NFKBIZ: variants seen among roughly 807,000 people sequenced by gnomAD.
NFKBIZ encodes NFKB inhibitor zeta.
In NFKBIZ, 19 loss-of-function variants were observed where a neutral mutation model predicts 76.8. That is an observed-to-expected ratio of 0.25 (90% CI 0.17 to 0.36). The LOEUF (loss-of-function observed/expected upper bound fraction) is 0.36, where lower values mean the gene tolerates loss of function less well. Ranked by LOEUF, NFKBIZ falls within the 10% of genes least tolerant of loss-of-function variation. NFKBIZ has a pLI of 1.00. For synonymous variants in NFKBIZ, 368 were observed against 354.8 expected (o/e 1.04, Z -0.42); for missense variants, 829 against 910.9 (o/e 0.91, Z 1.16).
intron 11 of NFKBIZ, chr3:101,857,795 T>G (rs1453028857): frequency 8.1e-6 from 8 of 985,342 alleles, no homozygotes; most frequent in Non-Finnish European, 9.6e-6. Context: ...AGAATCTTAG[T>G]CTTGTAATGT....
At chr3:101,856,953 G>A (rs928144493) in intron 9 of NFKBIZ, 120 bp from the exon 10 acceptor site, 2 of 682,460 alleles carry the variant, frequency 2.9e-6, no homozygotes, top group African/African-American at 3.6e-5. Flanking sequence ...GGAGAAGGGA[G>A]CATTCAAAGT....
intron 2 of NFKBIZ, among the ~76,000 whole-genome samples, chr3:101,832,646 T>A (rs1044243164): frequency 4.6e-5 from 7 of 152,248 alleles, no homozygotes; most frequent in Non-Finnish European, 1.0e-4. Context: ...CAGAATTTCC[T>A]TCCTTTTTAA....
At position 101,849,601 on chromosome 3, in the gene NFKBIZ, G is replaced by T. The variant is rs752103174; in HGVS notation, c.-28G>T. On this transcript the variant is annotated 5_prime_UTR_variant, in exon 1 of 12. Coordinates refer to ENST00000326172, the MANE Select transcript of NFKBIZ (RefSeq NM_031419.4). ...GCAGCGAGCCGGTGGCGCAGGTGTCGGGGTCCTCGAGCGCCCAGCCTGGGA... is the reference window on the plus strand; with the variant it reads ...GCAGCGAGCCGGTGGCGCAGGTGTCTGGGTCCTCGAGCGCCCAGCCTGGGA... 3 of 1,316,494 alleles carry T rather than the reference G, an allele frequency of 2.3e-6. No homozygotes were observed. Among genetic ancestry groups the T allele is most frequent in the East Asian group, 3.1e-5 (1 of 32,784 alleles). The allele number at this position is 1,316,494 out of a possible 1,614,324, so 81.6% of individuals were successfully genotyped here.
Position 101,855,866 on chromosome 3 carries a change from G to T in NFKBIZ, c.1788G>T (p.Lys596Asn), listed in dbSNP as rs966953480. 3 of 1,612,992 alleles carry T rather than the reference G, an allele frequency of 1.9e-6. No homozygotes were observed. Among genetic ancestry groups the T allele is most frequent in the Non-Finnish European group, 2.5e-6 (3 of 1,179,626 alleles). Residue 596 changes from lysine (K) to asparagine (N), a missense_variant, in exon 9 of 12, where the codon AAG (lysine) becomes AAT (asparagine). By Grantham distance (94) the Lys-to-Asn change is moderately conservative. Transcript: ENST00000326172. ...LKNKSLVDTI[K>N]CLIQMGAAVE... ...ATAAGAGTCTGGTTGATACCATTAA[G>T]TGCCTAATTCAAATGGGAGCAGCGG...
At chr3:101,851,357 T>G (rs967652277) in intron 1 of NFKBIZ, among the ~76,000 whole-genome samples, 3 of 152,268 alleles carry the variant, frequency 2.0e-5, no homozygotes, top group African/African-American at 7.2e-5. Flanking sequence ...TCCTTTTTAC[T>G]TAGAAGACCT....
chr3:101,845,294 C>CTT (rs759102672), upstream of NFKBIZ, among the ~76,000 whole-genome samples: 15 of 131,190 alleles, frequency 1.1e-4, no homozygotes, highest in South Asian at 2.5e-4. Context: ...AATCCAATTC[C>CTT]TTTTTTTTTT....
chr3:101,852,441 A>G (rs1190964141), intron 2 of NFKBIZ, among the ~76,000 whole-genome samples: 3 of 152,250 alleles, frequency 2.0e-5, no homozygotes, highest in African/African-American at 7.2e-5. Flanking sequence ...AACTCAATGA[A>G]TAAATAAATG....
chr3:101,849,826 C>G lies in NFKBIZ; in HGVS notation c.198C>G (p.Asp66Glu), dbSNP rs1191676992. Residue 66 changes from aspartate to glutamate, a missense_variant, in exon 1 of 12, where the codon GAC becomes GAG. Transcript: ENST00000326172. ...CGGCGCCCGGCTCGCCCGGCTCCGA[C>G]TCCTCCGACTTCTCCTCTGCCTCGT... is the stretch of plus-strand genomic sequence containing the variant. Reference protein sequence around the residue: ...GPSAPGSPGSDSSDFSSASSV... With the variant: ...GPSAPGSPGSESSDFSSASSV... 1 of 1,473,410 alleles carries G rather than the reference C, an allele frequency of 6.8e-7. No individual in the cohort carries two copies. The highest frequency in any genetic ancestry group is 1.3e-5 in the South Asian group (1 of 77,732). The allele number at this position is 1,473,410 out of a possible 1,614,324, so 91.3% of individuals were successfully genotyped here.
chr3:101,852,120 G>A lies in NFKBIZ; in HGVS notation c.325G>A (p.Gly109Ser). ...TATGGGGGTTGGCAGGCAGCAGAGAGGCCCCTTTCAAGGTGTTCGGGTAAA... is the reference window on the plus strand; with the variant it reads ...TATGGGGGTTGGCAGGCAGCAGAGAAGCCCCTTTCAAGGTGTTCGGGTAAA... The part of the protein sequence containing the change: ...PHMGVGRQQR[G>S]PFQGVRVKNS... The change falls in exon 2 of 12, where the codon GGC becomes AGC. Residue 109 changes from glycine (G) to serine (S), a missense_variant. Transcript: ENST00000326172. 6.2e-7 allele frequency: 1 copy of A among 1,614,204 alleles called. No homozygotes were observed. The highest frequency in any genetic ancestry group is 8.5e-7 in the Non-Finnish European group (1 of 1,180,044).
chr3:101,852,281 G>C, intron 2 of NFKBIZ, 57 bp downstream of exon 2: 1 of 1,575,122 alleles, frequency 6.3e-7, no homozygotes, highest in Non-Finnish European at 8.6e-7. Context: ...TAGTCTGTCA[G>C]GGTTATTATG....
At chr3:101,844,822 G>A (rs938318483), upstream of NFKBIZ, among the ~76,000 whole-genome samples, 1 of 152,176 alleles carries the variant, frequency 6.6e-6, no homozygotes, top group Non-Finnish European at 1.5e-5. Flanking sequence ...AACTCTACCA[G>A]GCTTTATTGG....
intron 6 of NFKBIZ, 58 bp from the exon 7 acceptor site, chr3:101,855,004 T>G: frequency 6.6e-7 from 1 of 1,516,956 alleles, no homozygotes; most frequent in South Asian, 1.3e-5. Flanking sequence ...AGTTTCATAT[T>G]CCTTGTTATG....
rs1433177110 is a variant in NFKBIZ at position 101,852,234 on chromosome 3, A to G, written c.429+10A>G. On this transcript the variant is annotated intron_variant, in intron 2 of 11. Transcript: ENST00000326172. ...TGTGGATGATTTTAAGGTGACATCT[A>G]TTTTTCTGTTTTGAGTATAGAGTTG... The G allele has an allele frequency of 3.7e-6, 6 of 1,613,154 alleles. No individual in the cohort carries two copies. Among genetic ancestry groups the G allele is most frequent in the East Asian group, 2.2e-5 (1 of 44,862 alleles).
chr3:101,853,354 C>T lies in NFKBIZ; in HGVS notation c.828C>T (p.Gly276=), dbSNP rs180700719. The stretch of plus-strand genomic sequence containing the variant: ...AATGCCAACCATTCCAAGTCAGGGG[C>T]TCCCAACAAATGATAGACCAGGCTT... ...PQKCQPFQVR[G]SQQMIDQASL... The change falls in exon 5 of 12, where the codon GGC becomes GGT. Residue 276 remains glycine (G), a synonymous_variant. Transcript: ENST00000326172. 3 of 1,614,098 alleles carry T rather than the reference C, an allele frequency of 1.9e-6. No individual in the cohort carries two copies. The East Asian group carries it at 6.7e-5, about 36-fold the overall frequency.
chr3:101,855,352 G>A (rs755650879), intron 7 of NFKBIZ, 43 bp from the exon 8 acceptor site: 9 of 1,608,794 alleles, frequency 5.6e-6, no homozygotes, highest in African/African-American at 2.7e-5. Flanking sequence ...AGGTATATGC[G>A]CAGCTTATGT....
intron 2 of NFKBIZ, among the ~76,000 whole-genome samples, chr3:101,833,925 A>G (rs188887696): frequency 1.1e-3 from 163 of 152,324 alleles, no homozygotes; most frequent in Non-Finnish European, 1.5e-3. Context: ...TCTCCACCCC[A>G]TACCTCACTT....
chr3:101,836,583 T>A (rs758058683), intron 2 of NFKBIZ, among the ~76,000 whole-genome samples: 1 of 152,346 alleles, frequency 6.6e-6, no homozygotes, highest in Middle Eastern at 3.4e-3. Flanking sequence ...TCAATAAATA[T>A]TTACTGAGTG....
chr3:101,831,980 C>T (rs574568170), intron 2 of NFKBIZ, among the ~76,000 whole-genome samples: 5 of 152,280 alleles, frequency 3.3e-5, no homozygotes, highest in South Asian at 2.1e-4. Flanking sequence ...ATGATCATAG[C>T]TCACTGTGTC....
Position 101,828,812 on chromosome 3 carries a change from A to T in NFKBIZ, c.-88+628A>T, listed in dbSNP as rs183332714. 2.6e-5 allele frequency among the ~76,000 whole-genome samples: 4 copies of T among 152,344 alleles called. No individual in the cohort carries two copies. In the East Asian group the frequency reaches 7.7e-4, roughly 29 times the overall value. On this transcript the variant is annotated intron_variant, in intron 1 of 12. Transcript: ENST00000394054. The stretch of plus-strand genomic sequence containing the variant: ...AAAAGCACATTTCTAAATAGAATGG[A>T]TTAGAGATTCTCTTCATTGGGATTA...
Sources: gnomAD v4.1 joint callset for allele counts (sites outside exome capture counted in the v4.1 genomes callset) on GRCh38, gnomAD v4.1.1 for gene constraint, MANE v1.5 for transcripts, NCBI Gene and HGNC (gene_info 2026-07-23, HGNC 2026-07-21) for gene names.